The following THADA variants were observed in gnomAD, a reference collection of about 807,000 sequenced individuals.
The protein encoded by THADA is THADA armadillo repeat containing.
In THADA, 213 loss-of-function variants were observed where a neutral mutation model predicts 219.8. That is an observed-to-expected ratio of 0.97 (90% confidence interval 0.87 to 1.09). The LOEUF is 1.09. Ranked by LOEUF, THADA falls within the 50% of genes least tolerant of loss-of-function variation. The pLI is 0.00. For synonymous variants in THADA, 1,018 were observed against 828.9 expected, an observed-to-expected ratio of 1.23 and a Z score of -3.92; for missense variants, 2,956 against 2,311.3, an observed-to-expected ratio of 1.28 and a Z score of -5.72.
At chr2:43,358,155 G>A (rs1669086549) in intron 29 of THADA, among the ~76,000 whole-genome samples, 1 of 152,082 alleles carries the variant, frequency 6.6e-6, no homozygotes, top group Non-Finnish European at 1.5e-5. Context: ...TCTGTATAAT[G>A]ACTACCACAA....
Position 43,232,704 on chromosome 2 carries a change from C to A in THADA, c.5466+9G>T. ...CCTGCCTCCTACTCCCCTGACACCCCGGGATCACCTGATGCATGCTCTCCA... is the reference window on the plus strand; with the variant it reads ...CCTGCCTCCTACTCCCCTGACACCCAGGGATCACCTGATGCATGCTCTCCA... On this transcript the variant is annotated intron_variant, in intron 37 of 37. Transcript: ENST00000405975. 6.2e-7 allele frequency: 1 copy of A among 1,613,218 alleles called. No homozygotes were observed. The highest frequency in any genetic ancestry group is 8.5e-7 in the Non-Finnish European group (1 of 1,179,340).
chr2:43,360,769 G>C (rs1037871328), intron 29 of THADA, among the ~76,000 whole-genome samples: 1 of 152,186 alleles, frequency 6.6e-6, no homozygotes, highest in African/African-American at 2.4e-5. Flanking sequence ...GATCGTTTGG[G>C]AAAGTTCAAA....
intron 26 of THADA, among the ~76,000 whole-genome samples, chr2:43,449,082 A>G (rs1434243098): frequency 6.6e-6 from 1 of 152,214 alleles, no homozygotes; most frequent in African/African-American, 2.4e-5. Context: ...GGAGAAAGTC[A>G]AGAAAATGAT....
In THADA at chr2:43,574,405, A is replaced by G; in HGVS notation, c.1660T>C (p.Leu554=). ...TGTAAGCTTTCAGGGCTGTAACTTAATAATTTTGGCAAGTAATAATCAATC... is the reference window on the plus strand; with the variant it reads ...TGTAAGCTTTCAGGGCTGTAACTTAGTAATTTTGGCAAGTAATAATCAATC... ...YVIDYYLPKL[L]SYSPESLQYM... Residue 554 remains leucine (L), a synonymous_variant, in exon 11 of 38, where the codon TTA becomes CTA. Transcript: ENST00000405975. The G allele has an allele frequency of 6.2e-7, 1 of 1,610,022 alleles. No homozygotes were observed. Among genetic ancestry groups the G allele is most frequent in the Non-Finnish European group, 8.5e-7 (1 of 1,177,844 alleles).
chr2:43,358,896 A>C (rs897479213), intron 29 of THADA, among the ~76,000 whole-genome samples: 2 of 152,182 alleles, frequency 1.3e-5, no homozygotes, highest in African/African-American at 4.8e-5. Flanking sequence ...AAAGGAAAAG[A>C]CTGTGAATCT....
chr2:43,291,107 G>T (rs556292596), intron 34 of THADA, among the ~76,000 whole-genome samples: 5 of 151,974 alleles, frequency 3.3e-5, no homozygotes, highest in Non-Finnish European at 5.9e-5. Flanking sequence ...TTGGGCATAT[G>T]TGTTTTGGGG....
chr2:43,280,461 G>A (rs1240562757), intron 35 of THADA, among the ~76,000 whole-genome samples: 3 of 151,974 alleles, frequency 2.0e-5, no homozygotes, highest in East Asian at 1.9e-4. Flanking sequence ...GTGAAACCCC[G>A]TCTCTACTAA....
At chr2:43,470,804 T>C (rs891653084) in intron 26 of THADA, among the ~76,000 whole-genome samples, 1 of 152,220 alleles carries the variant, frequency 6.6e-6, no homozygotes, top group Non-Finnish European at 1.5e-5. Context: ...AATCCATTCA[T>C]CCACCTGGCT....
chr2:43,457,133 TACACACACAC>T (rs35803641), intron 26 of THADA, among the ~76,000 whole-genome samples: 1,302 of 126,234 alleles, frequency 0.01, 13 homozygotes, highest in Middle Eastern at 0.025. Flanking sequence ...TTAGGATATC[TACACACACAC>T]ACACACACAC....
chr2:43,592,246 G>T, intron 2 of THADA, 71 bp downstream of exon 2: 1 of 1,132,632 alleles, frequency 8.8e-7, no homozygotes. Context: ...TATGCTAGGG[G>T]TCCCAGTCAT....
intron 20 of THADA, among the ~76,000 whole-genome samples, chr2:43,546,692 C>T (rs1470862160): frequency 2.0e-5 from 3 of 151,944 alleles, no homozygotes; most frequent in Non-Finnish European, 2.9e-5. Context: ...AGGATTGCAA[C>T]CCCTGCCTTT....
chr2:43,564,698 T>C (rs1291891961), intron 15 of THADA: 1 of 152,216 alleles, frequency 6.6e-6, no homozygotes, highest in African/African-American at 2.4e-5. Flanking sequence ...GTGATCATAT[T>C]TCCTATTATA....
chr2:43,353,888 G>A (rs1668570824), intron 29 of THADA, among the ~76,000 whole-genome samples: 1 of 151,644 alleles, frequency 6.6e-6, no homozygotes, highest in Non-Finnish European at 1.5e-5. Flanking sequence ...TGCGTTCTTG[G>A]CTCACTGCAA....
At chr2:43,579,422 C>T (rs1700182271) in intron 8 of THADA, among the ~76,000 whole-genome samples, 1 of 152,174 alleles carries the variant, frequency 6.6e-6, no homozygotes, top group South Asian at 2.1e-4. Flanking sequence ...GACTTGGTAT[C>T]TTCTTTTTGT....
chr2:43,580,889 A>C (rs1287040094), intron 8 of THADA, among the ~76,000 whole-genome samples: 1 of 151,988 alleles, frequency 6.6e-6, no homozygotes, highest in Non-Finnish European at 1.5e-5. Context: ...CAGACAAAAA[A>C]AAAAACCAAA....
intron 36 of THADA, among the ~76,000 whole-genome samples, chr2:43,254,004 C>T (rs1321188262): frequency 6.6e-6 from 1 of 152,048 alleles, no homozygotes; most frequent in East Asian, 1.9e-4. Flanking sequence ...CCTTTTAGTC[C>T]ATGTGGTTTG....
rs1363486240 is a variant in THADA, at chr2:43,560,266, T to C, written c.2431A>G (p.Met811Val). ...DVKILAFDLL[M>V]KLSKTAVHFQ... is the part of the protein sequence containing the mutation. The stretch of plus-strand genomic sequence containing the variant: ...TGTACAGCTGTTTTTGATAACTTCA[T>C]CAGAAGATCAAATGCTAAAATTTTC... Residue 811 changes from methionine (M) to valine (V), a missense_variant, in exon 16 of 38, where the codon ATG becomes GTG. Coordinates refer to ENST00000405975, the MANE Select transcript of THADA (RefSeq NM_022065.5). 1.2e-6 allele frequency: 2 copies of C among 1,612,430 alleles called. No homozygotes were observed. Among genetic ancestry groups the C allele is most frequent in the Admixed American group, 1.7e-5 (1 of 59,816 alleles).
In THADA at chr2:43,263,727, C is replaced by T. The variant is rs1335378700; in HGVS notation, c.5296+16038G>A. 2.0e-5 allele frequency among the ~76,000 whole-genome samples: 3 copies of T among 152,272 alleles called. No individual in the cohort carries two copies. In the East Asian group the frequency reaches 5.8e-4, roughly 29 times the overall value. ...GTTCTAGCCTGTTAGCTATATTACACTATAATACTTATTTATTTTTAAGTT... is the reference window on the plus strand; with the variant it reads ...GTTCTAGCCTGTTAGCTATATTACATTATAATACTTATTTATTTTTAAGTT... On this transcript the variant is annotated intron_variant, in intron 36 of 37. Coordinates refer to ENST00000405975, the MANE Select transcript of THADA (RefSeq NM_022065.5).
At position 43,581,916 on chromosome 2, in the gene THADA, T is replaced by G; in HGVS notation, c.546A>C (p.Gly182=). ...EILEENRKCA[G]NHIIQTQLMN... Reference sequence around the variant, plus strand: ...TCAACTGTGTTTGAATAATATGATTTCCAGCACATTTTCTATAAAGAAGAA... The same window carrying G: ...TCAACTGTGTTTGAATAATATGATTGCCAGCACATTTTCTATAAAGAAGAA... Residue 182 remains glycine (G), a synonymous_variant, in exon 8 of 38, where the codon GGA becomes GGC. Transcript: ENST00000405975. 1 of 1,531,310 alleles carries G rather than the reference T, an allele frequency of 6.5e-7. No individual in the cohort carries two copies. The highest frequency in any genetic ancestry group is 8.7e-7 in the Non-Finnish European group (1 of 1,145,774). The allele number at this position is 1,531,310 out of a possible 1,614,324, so 94.9% of individuals were successfully genotyped here.
Sources: allele counts gnomAD v4.1 joint callset (sites outside exome capture counted in the v4.1 genomes callset), GRCh38; gene constraint gnomAD v4.1.1; transcripts MANE v1.5; gene names NCBI Gene and HGNC (gene_info 2026-07-23, HGNC 2026-07-21).